CTNNA1: variants seen among roughly 807,000 people sequenced by gnomAD.
CTNNA1 encodes the protein catenin alpha 1.
Under a neutral mutation model 98.4 loss-of-function variants are expected in CTNNA1, and 37 were observed. The observed-to-expected ratio is 0.38, with a 90% CI of 0.29 to 0.49. The LOEUF (loss-of-function observed/expected upper bound fraction) is 0.49, where lower values mean the gene tolerates loss of function less well. Ranked by LOEUF, CTNNA1 falls within the 20% of genes least tolerant of loss-of-function variation. CTNNA1 has a pLI of 0.95. For missense variants in CTNNA1, 761 were observed against 1,147.2 expected (o/e 0.66, Z 4.86); for synonymous variants, 404 against 413.2 (o/e 0.98, Z 0.27).
intron 10 of CTNNA1, 59 bp downstream of exon 10, chr5:138,904,500 G>A (rs1424971144): frequency 1.9e-6 from 3 of 1,577,462 alleles, no homozygotes; most frequent in East Asian, 2.3e-5. Flanking sequence ...TTCAAGTGGA[G>A]ATGAGGTTTA....
intron 7 of CTNNA1, chr5:138,872,776 C>CA: frequency 2.4e-6 from 1 of 408,386 alleles, no homozygotes; most frequent in Non-Finnish European, 4.3e-6. Flanking sequence ...TTGAAGTAAG[C>CA]ATTTTAGACT....
intron 16 of CTNNA1, among the ~76,000 whole-genome samples, chr5:138,931,445 A>T (rs115065657): frequency 1.8e-3 from 273 of 152,342 alleles, no homozygotes; most frequent in African/African-American, 6.4e-3. Context: ...CTCTGTAGTT[A>T]ACAAGCCTCC....
chr5:138,800,802 TAA>T (rs559443920), intron 3 of CTNNA1, among the ~76,000 whole-genome samples: 1 of 145,520 alleles, frequency 6.9e-6, no homozygotes, highest in Non-Finnish European at 1.5e-5. Flanking sequence ...AAACTCCGTC[TAA>T]AAAAAAAAAG....
chr5:138,775,739 TGAGTCG>T (rs1475333546), intron 1 of CTNNA1, among the ~76,000 whole-genome samples: 1 of 140,340 alleles, frequency 7.1e-6, no homozygotes, highest in Non-Finnish European at 1.5e-5. Context: ...TTTTTTTTTT[TGAGTCG>T]GAGTCTTGCT....
At chr5:138,790,594 A>G (rs1274813776) in intron 3 of CTNNA1, among the ~76,000 whole-genome samples, 1 of 152,142 alleles carries the variant, frequency 6.6e-6, no homozygotes, top group African/African-American at 2.4e-5. Context: ...AATTCCACCA[A>G]GTTTTCAAAA....
chr5:138,812,194 T>G lies in CTNNA1; in HGVS notation c.480T>G (p.Gly160=). Residue 160 remains glycine (G), a synonymous_variant, in exon 5 of 18, where the codon GGT becomes GGG. Transcript: ENST00000302763. ...TTCTTATTTTATAGGTGGAAGATGG[T>G]ATCTTGAAGTTGAGGAATGCTGGCA... The part of the protein sequence containing the change: ...LLVQLKVVED[G]ILKLRNAGNE... 1.2e-6 allele frequency: 2 copies of G among 1,613,412 alleles called. No individual in the cohort carries two copies. Among genetic ancestry groups the G allele is most frequent in the Non-Finnish European group, 1.7e-6 (2 of 1,179,666 alleles).
intron 10 of CTNNA1, among the ~76,000 whole-genome samples, chr5:138,916,757 ATTTTT>A (rs1761877349): frequency 1.3e-5 from 2 of 148,182 alleles, no homozygotes; most frequent in African/African-American, 5.0e-5. Flanking sequence ...ATATTTATTT[ATTTTT>A]ATTTATTATT....
intron 11 of CTNNA1, among the ~76,000 whole-genome samples, chr5:138,922,715 G>T (rs1763171934): frequency 6.6e-6 from 1 of 152,208 alleles, no homozygotes. Flanking sequence ...ATCAGGTTCA[G>T]TTGTGGAGAG....
At chr5:138,786,434 T>G (rs1561524967) in intron 3 of CTNNA1, among the ~76,000 whole-genome samples, 1 of 152,198 alleles carries the variant, frequency 6.6e-6, no homozygotes, top group Non-Finnish European at 1.5e-5. Context: ...ACTCATCGTT[T>G]GAAACCCTGT....
At chr5:138,875,605 G>A (rs1561627785) in intron 7 of CTNNA1, 1 of 985,340 alleles carries the variant, frequency 1.0e-6, no homozygotes, top group Non-Finnish European at 1.2e-6. Context: ...ACAGTGAGTT[G>A]GGTTAGCAGA....
At chr5:138,784,242 C>T (rs1054348366) in intron 3 of CTNNA1, among the ~76,000 whole-genome samples, 4 of 152,132 alleles carry the variant, frequency 2.6e-5, no homozygotes, top group Non-Finnish European at 4.4e-5. Flanking sequence ...CTTTTCCAGT[C>T]GGAGAATTTC....
At chr5:138,915,818 C>T (rs548185066) in intron 10 of CTNNA1, among the ~76,000 whole-genome samples, 40 of 152,208 alleles carry the variant, frequency 2.6e-4, no homozygotes, top group Admixed American at 1.7e-3. Context: ...GCCTGTAATC[C>T]GAGCACTTTG....
intron 16 of CTNNA1, chr5:138,932,139 T>G (rs1765488842): frequency 1.0e-6 from 1 of 991,016 alleles, no homozygotes; most frequent in Non-Finnish European, 1.2e-6. Flanking sequence ...AGCAGAAGAG[T>G]TAACTATTTG....
rs1449013504 is a variant in CTNNA1 at position 138,823,829 on chromosome 5, C to T, written c.589-701C>T. ...AAAATTAGCCGGGCGTAGTGGCGGG[C>T]GCCTGTAGTCCCAGCTACTTGGGAG... On this transcript the variant is annotated intron_variant, in intron 5 of 17. Coordinates refer to ENST00000302763, the MANE Select transcript of CTNNA1 (RefSeq NM_001903.5). 5.4e-5 allele frequency among the ~76,000 whole-genome samples: 8 copies of T among 149,058 alleles called. No individual in the cohort carries two copies. The East Asian group carries it at 1.6e-3, about 29-fold the overall frequency.
intron 10 of CTNNA1, among the ~76,000 whole-genome samples, chr5:138,910,226 C>CTTTTTTTT (rs70982740): frequency 1.0e-3 from 55 of 53,276 alleles, no homozygotes; most frequent in African/African-American, 1.3e-3. Context: ...TCCTACTTTT[C>CTTTTTTTT]TTTTTTTTTT....
Position 138,783,362 on chromosome 5 carries a change from T to G in CTNNA1, c.291T>G (p.Val97=). The stretch of plus-strand genomic sequence containing the variant: ...AGCTTGTGGCTGCTGTAGAAGATGT[T>G]CGAAAACAAGGTAGGTCATTACTGC... ...KEELVAAVED[V]RKQGDLMKAA... The change falls in exon 3 of 18, where the codon GTT becomes GTG. Residue 97 remains valine (V), a synonymous_variant. Coordinates refer to ENST00000302763, the MANE Select transcript of CTNNA1 (RefSeq NM_001903.5). The G allele has an allele frequency of 6.2e-7, 1 of 1,613,030 alleles. No homozygotes were observed. The highest frequency in any genetic ancestry group is 1.1e-5 in the South Asian group (1 of 90,998).
intron 7 of CTNNA1, chr5:138,871,725 C>T (rs753543832): frequency 4.6e-5 from 7 of 152,210 alleles, no homozygotes; most frequent in Non-Finnish European, 4.4e-5. Context: ...ATAGGCATGT[C>T]GAGTTGTTCT....
intron 3 of CTNNA1, among the ~76,000 whole-genome samples, chr5:138,784,726 G>A (rs1755488034): frequency 6.6e-6 from 1 of 152,076 alleles, no homozygotes; most frequent in Non-Finnish European, 1.5e-5. Context: ...TTCCTTGTTG[G>A]GACTTAGGAA....
intron 7 of CTNNA1, among the ~76,000 whole-genome samples, chr5:138,856,528 A>G (rs1344553237): frequency 6.6e-6 from 1 of 152,068 alleles, no homozygotes; most frequent in Admixed American, 6.5e-5. Flanking sequence ...TCTTTGTAAT[A>G]ATGGGGTCTC....
Sources: gnomAD v4.1 joint callset for allele counts (sites outside exome capture counted in the v4.1 genomes callset) on GRCh38, gnomAD v4.1.1 for gene constraint, MANE v1.5 for transcripts, NCBI Gene and HGNC (gene_info 2026-07-23, HGNC 2026-07-21) for gene names.